DTNA: variants seen among roughly 807,000 people sequenced by gnomAD.
The protein encoded by DTNA is dystrophin-related protein 3.
In DTNA, 43 loss-of-function variants were observed where a neutral mutation model predicts 100.7. That is an observed-to-expected ratio of 0.43 (90% confidence interval 0.33 to 0.55). The LOEUF (loss-of-function observed/expected upper bound fraction) is 0.55, where lower values mean the gene tolerates loss of function less well. Ranked by LOEUF, DTNA falls within the 20% of genes least tolerant of loss-of-function variation. DTNA has a pLI of 0.04. For synonymous variants in DTNA, 349 were observed against 347.9 expected, an observed-to-expected ratio of 1.00 and a Z score of -0.04; for missense variants, 798 against 953.9, an observed-to-expected ratio of 0.84 and a Z score of 2.15.
At chr18:34,678,445 C>A (rs902705232) in intron 1 of DTNA, among the ~76,000 whole-genome samples, 7 of 152,092 alleles carry the variant, frequency 4.6e-5, no homozygotes, top group African/African-American at 1.7e-4. Context: ...AGCTGGGTTC[C>A]TTCCATCCCT....
At chr18:34,583,625 A>G (rs1054507713) in intron 1 of DTNA, among the ~76,000 whole-genome samples, 10 of 151,834 alleles carry the variant, frequency 6.6e-5, no homozygotes, top group Non-Finnish European at 1.5e-4. Flanking sequence ...AATGAGTGGT[A>G]TGTGTTTTTA....
chr18:34,610,715 A>G (rs191487368), intron 1 of DTNA, among the ~76,000 whole-genome samples: 1 of 152,322 alleles, frequency 6.6e-6, no homozygotes, highest in East Asian at 1.9e-4. Context: ...CATTTCTTTA[A>G]TGATCTAGAA....
chr18:34,859,457 A>G (rs1330589430), intron 16 of DTNA, among the ~76,000 whole-genome samples: 1 of 152,228 alleles, frequency 6.6e-6, no homozygotes. Context: ...CACCCTGTGT[A>G]AATGAGGACT....
At chr18:34,773,801 A>T (rs1368951504) in intron 3 of DTNA, among the ~76,000 whole-genome samples, 1 of 152,202 alleles carries the variant, frequency 6.6e-6, no homozygotes, top group Non-Finnish European at 1.5e-5. Flanking sequence ...TCTGGATGAG[A>T]AAAGCAATGA....
intron 1 of DTNA, among the ~76,000 whole-genome samples, chr18:34,702,814 A>G (rs1216101183): frequency 1.3e-5 from 2 of 152,176 alleles, no homozygotes; most frequent in African/African-American, 2.4e-5. Flanking sequence ...GCAATCATAA[A>G]GCCATGAACT....
At chr18:34,526,418 G>A (rs1244646994) in intron 1 of DTNA, among the ~76,000 whole-genome samples, 1 of 152,036 alleles carries the variant, frequency 6.6e-6, no homozygotes, top group East Asian at 1.9e-4. Flanking sequence ...GGGCAATTAG[G>A]TTCAAACATT....
chr18:34,737,891 A>G (rs997957648), intron 1 of DTNA: 24 of 152,274 alleles, frequency 1.6e-4, no homozygotes, highest in African/African-American at 5.8e-4. Flanking sequence ...CTATGAATAA[A>G]ACAGACACCA....
In DTNA at chr18:34,890,533, A is replaced by T. The variant is rs2150526811; in HGVS notation, c.*2799A>T. ...TTTCTTGTTCCACAATGAATTGCAC[A>T]TCCATCTCCATCAGAGCTGATAGCC... On this transcript the variant is annotated 3_prime_UTR_variant, in exon 23 of 23. Coordinates refer to ENST00000444659, the MANE Select transcript of DTNA (RefSeq NM_001386795.1). 1 of 1,510,090 alleles carries T rather than the reference A, an allele frequency of 6.6e-7. No individual in the cohort carries two copies. Among genetic ancestry groups the T allele is most frequent in the African/African-American group, 1.4e-5 (1 of 72,340 alleles). 93.5% of individuals were successfully genotyped at this position (1,510,090 alleles called of 1,614,324 possible). A position where few individuals can be genotyped will look rare whatever the true frequency, so the allele number is the denominator to read the frequency against.
chr18:34,888,018 G>C lies in DTNA; in HGVS notation c.*284G>C. The stretch of plus-strand genomic sequence containing the variant: ...TCAAGAAGGAAAAAAAAAGACTTCT[G>C]TTCAAAGTTAACTTATCAGCTACAT... On this transcript the variant is annotated 3_prime_UTR_variant, in exon 23 of 23. Coordinates refer to ENST00000444659, the MANE Select transcript of DTNA (RefSeq NM_001386795.1). 1 of 985,800 alleles carries C rather than the reference G, an allele frequency of 1.0e-6. No homozygotes were observed. Among genetic ancestry groups the C allele is most frequent in the Non-Finnish European group, 1.2e-6 (1 of 829,936 alleles). The allele number at this position is 985,800 out of a possible 1,614,324, so 61.1% of individuals were successfully genotyped here. A position where few individuals can be genotyped will look rare whatever the true frequency, so the allele number is the denominator to read the frequency against.
chr18:34,868,154 C>CA (rs34776092), intron 17 of DTNA: 6,068 of 178,446 alleles, frequency 0.034, 25 homozygotes, highest in African/African-American at 0.047. Flanking sequence ...GGCAATGAAG[C>CA]AAAAAAAAAA....
rs752294436 is a variant in DTNA, at chr18:34,838,763, T to G, written c.1272T>G (p.Asn424Lys). Residue 424 changes from asparagine (N) to lysine (K), a missense_variant, in exon 13 of 23, where the codon AAT becomes AAG. Physicochemically the swap from Asn to Lys is moderately conservative, Grantham distance 94. This residue lies in a region of DTNA where 159 missense variants were observed against 201.2 expected (regional missense o/e 0.79). Transcript: ENST00000444659. ...GTTTCAGGATACAGTACAGCCTGAA[T>G]GTGGCAGACAGGCTAGCTGATGAAC... ...LKGKGIQYSL[N>K]VADRLADEHV... 4 of 1,613,692 alleles carry G rather than the reference T, an allele frequency of 2.5e-6. No individual in the cohort carries two copies. The South Asian group carries it at 4.4e-5, about 18-fold the overall frequency.
intron 1 of DTNA, among the ~76,000 whole-genome samples, chr18:34,600,824 A>C (rs191714233): frequency 3.9e-5 from 6 of 152,220 alleles, no homozygotes; most frequent in Admixed American, 1.3e-4. Context: ...TCAGTGACAT[A>C]TAGAAACCAG....
chr18:34,779,179 A>G, intron 3 of DTNA, among the ~76,000 whole-genome samples: 1 of 152,208 alleles, frequency 6.6e-6, no homozygotes, highest in African/African-American at 2.4e-5. Flanking sequence ...TTCAGATAGG[A>G]GCAAGTAATC....
intron 13 of DTNA, among the ~76,000 whole-genome samples, chr18:34,844,150 A>G (rs1178777565): frequency 6.6e-6 from 1 of 152,116 alleles, no homozygotes; most frequent in Non-Finnish European, 1.5e-5. Context: ...AGTTTTTAGA[A>G]GATAGAATGC....
At chr18:34,854,096 G>A (rs1040352611) in intron 15 of DTNA, among the ~76,000 whole-genome samples, 1 of 152,184 alleles carries the variant, frequency 6.6e-6, no homozygotes, top group Non-Finnish European at 1.5e-5. Flanking sequence ...ATTGGACTTT[G>A]TGGTTCGTGG....
intron 1 of DTNA, among the ~76,000 whole-genome samples, chr18:34,650,321 C>T (rs953037351): frequency 3.3e-5 from 5 of 152,034 alleles, no homozygotes; most frequent in Non-Finnish European, 5.9e-5. Context: ...ATGAACTCTT[C>T]ATTTTATTTC....
At chr18:34,691,505 C>T (rs1482372808) in intron 1 of DTNA, among the ~76,000 whole-genome samples, 1 of 152,200 alleles carries the variant, frequency 6.6e-6, no homozygotes, top group Non-Finnish European at 1.5e-5. Flanking sequence ...ATGTGTGAAA[C>T]AAGCAGTTGA....
intron 1 of DTNA, among the ~76,000 whole-genome samples, chr18:34,586,425 A>G (rs2049143445): frequency 6.6e-6 from 1 of 150,722 alleles, no homozygotes; most frequent in African/African-American, 2.4e-5. Context: ...TTTTTTTTGC[A>G]TGGGCCAGGC....
intron 1 of DTNA, among the ~76,000 whole-genome samples, chr18:34,566,070 GTC>G (rs140549084): frequency 0.014 from 2,206 of 152,326 alleles, 54 homozygotes; most frequent in African/African-American, 0.049. Context: ...GTGGACATAA[GTC>G]TAGTAATCAG....
Sources: gnomAD v4.1 joint callset for allele counts (sites outside exome capture counted in the v4.1 genomes callset) on GRCh38, gnomAD v4.1.1 for gene constraint, gnomAD v4.1.1 regional missense constraint, MANE v1.5 for transcripts, NCBI Gene and HGNC (gene_info 2026-07-23, HGNC 2026-07-21) for gene names.